GALNT13: variants seen among roughly 807,000 people sequenced by gnomAD.
GALNT13 encodes polypeptide N-acetylgalactosaminyltransferase 13, also known as UDP-GalNAc:polypeptide N-acetylgalactosaminyltransferase 13.
Under a neutral mutation model 64.2 loss-of-function variants are expected in GALNT13, and 28 were observed. The ratio of observed to expected loss-of-function variants is 0.44; its 90% CI spans 0.32 to 0.60. The LOEUF (loss-of-function observed/expected upper bound fraction) is 0.60, where lower values mean the gene tolerates loss of function less well. Ranked by LOEUF, GALNT13 falls within the 20% of genes least tolerant of loss-of-function variation. The pLI, the probability that GALNT13 is intolerant of heterozygous loss-of-function variation, is 0.05. For missense variants in GALNT13, 577 were observed against 669.8 expected, an observed-to-expected ratio of 0.86 and a Z score of 1.53; for synonymous variants, 214 against 224.6, an observed-to-expected ratio of 0.95 and a Z score of 0.42.
intron 4 of GALNT13, among the ~76,000 whole-genome samples, chr2:154,153,636 C>T (rs1422546313): frequency 3.9e-5 from 6 of 152,216 alleles, no homozygotes; most frequent in African/African-American, 1.2e-4. Context: ...TGGGCAATGG[C>T]GGGCGCCCCT....
chr2:153,687,488 A>G, the GALNT13 span, among the ~76,000 whole-genome samples: 1 of 152,014 alleles, frequency 6.6e-6, no homozygotes, highest in Non-Finnish European at 1.5e-5. Context: ...GTCAGTGGTA[A>G]TATCCTCCTT....
intron 4 of GALNT13, among the ~76,000 whole-genome samples, chr2:154,226,937 A>G (rs955199127): frequency 1.3e-5 from 2 of 152,150 alleles, no homozygotes; most frequent in African/African-American, 4.8e-5. Context: ...AAATAAATGG[A>G]AACAGTATCT....
At chr2:154,113,184 G>A (rs1703084923) in intron 3 of GALNT13, among the ~76,000 whole-genome samples, 1 of 151,424 alleles carries the variant, frequency 6.6e-6, no homozygotes. Flanking sequence ...GCATGGCCTT[G>A]CTCTAAAATC....
chr2:153,686,097 T>C, the GALNT13 span, among the ~76,000 whole-genome samples: 11 of 152,090 alleles, frequency 7.2e-5, no homozygotes, highest in African/African-American at 2.4e-4. Flanking sequence ...GCTTTATTCT[T>C]TTTGCTTAGG....
At chr2:154,043,411 C>CG (rs34084904) in intron 3 of GALNT13, among the ~76,000 whole-genome samples, 35,671 of 68,518 alleles carry the variant, frequency 0.52, 7,387 homozygotes, top group East Asian at 0.77. Context: ...ACTATAAGGA[C>CG]TTTTATATAT....
chr2:153,899,617 A>G (rs1041636565), intron 1 of GALNT13, among the ~76,000 whole-genome samples: 2 of 152,112 alleles, frequency 1.3e-5, no homozygotes, highest in Non-Finnish European at 2.9e-5. Context: ...AATGTCTTTA[A>G]CATACTAGAG....
intron 3 of GALNT13, among the ~76,000 whole-genome samples, chr2:154,058,518 T>C (rs1009717320): frequency 1.3e-5 from 2 of 152,184 alleles, no homozygotes; most frequent in Non-Finnish European, 2.9e-5. Flanking sequence ...AGTGGTGTGA[T>C]GAAGGGAATC....
At chr2:154,211,341 A>G (rs1687750545) in intron 4 of GALNT13, among the ~76,000 whole-genome samples, 1 of 151,978 alleles carries the variant, frequency 6.6e-6, no homozygotes, top group African/African-American at 2.4e-5. Context: ...AAAAAGGTAC[A>G]GTAGGCCTGG....
At chr2:153,649,420 T>C in the GALNT13 span, among the ~76,000 whole-genome samples, 1 of 151,730 alleles carries the variant, frequency 6.6e-6, no homozygotes, top group Non-Finnish European at 1.5e-5. Flanking sequence ...AACCAGCTCC[T>C]GGATTCATTA....
At chr2:153,358,740 A>T in the GALNT13 span, among the ~76,000 whole-genome samples, 1 of 152,170 alleles carries the variant, frequency 6.6e-6, no homozygotes, top group Non-Finnish European at 1.5e-5. Flanking sequence ...TCCATGTGCC[A>T]GTAATCCATA....
intron 4 of GALNT13, among the ~76,000 whole-genome samples, chr2:154,203,493 T>G (rs1687281080): frequency 6.6e-6 from 1 of 152,138 alleles, no homozygotes; most frequent in Non-Finnish European, 1.5e-5. Flanking sequence ...AGATAGATTT[T>G]TAATGACAAT....
chr2:153,133,781 T>TCGA, the GALNT13 span, among the ~76,000 whole-genome samples: 26,512 of 152,092 alleles, frequency 0.17, 2,455 homozygotes, highest in Middle Eastern at 0.25. Context: ...TGGCCTCTTC[T>TCGA]CGATGACATG....
the GALNT13 span, among the ~76,000 whole-genome samples, chr2:153,305,180 T>G: frequency 6.6e-6 from 1 of 152,108 alleles, no homozygotes; most frequent in Non-Finnish European, 1.5e-5. Context: ...TGTGGTGTCC[T>G]GTGGGTTTGC....
the GALNT13 span, among the ~76,000 whole-genome samples, chr2:153,621,206 T>C: frequency 6.6e-6 from 1 of 152,164 alleles, no homozygotes; most frequent in East Asian, 1.9e-4. Context: ...GAAATGTTGT[T>C]ACTCATAGTT....
chr2:154,366,043 G>A (rs1200630145), intron 9 of GALNT13, among the ~76,000 whole-genome samples: 1 of 152,070 alleles, frequency 6.6e-6, no homozygotes, highest in Non-Finnish European at 1.5e-5. Flanking sequence ...GCCTGTTGAT[G>A]TGTTCCTGTA....
At chr2:153,429,710 T>C in the GALNT13 span, among the ~76,000 whole-genome samples, 1 of 152,128 alleles carries the variant, frequency 6.6e-6, no homozygotes, top group East Asian at 1.9e-4. Flanking sequence ...TATTTCGAAG[T>C]ACAAAATTTA....
chr2:154,295,760 T>A (rs1453511368), intron 8 of GALNT13, among the ~76,000 whole-genome samples: 5 of 152,010 alleles, frequency 3.3e-5, no homozygotes, highest in Non-Finnish European at 5.9e-5. Flanking sequence ...AGGCCCATGA[T>A]GAAAGAGGAG....
intron 4 of GALNT13, among the ~76,000 whole-genome samples, chr2:154,214,825 A>G (rs950519586): frequency 6.6e-6 from 1 of 152,174 alleles, no homozygotes; most frequent in African/African-American, 2.4e-5. Context: ...GTGAGAACAG[A>G]CTAATACACC....
chr2:153,205,541 C>A, the GALNT13 span, among the ~76,000 whole-genome samples: 33 of 151,988 alleles, frequency 2.2e-4, no homozygotes, highest in Non-Finnish European at 4.9e-4. Flanking sequence ...TCTTCATATT[C>A]TTATTATTTC....
Sources: allele counts gnomAD v4.1 joint callset (sites outside exome capture counted in the v4.1 genomes callset), GRCh38; gene constraint gnomAD v4.1.1; transcripts MANE v1.5; gene names NCBI Gene and HGNC (gene_info 2026-07-23, HGNC 2026-07-21).